PRKN: variants seen among roughly 807,000 people sequenced by gnomAD.
The protein encoded by PRKN is parkin RBR E3 ubiquitin protein ligase, also known as E3 ubiquitin-protein ligase parkin.
Under a neutral mutation model 59.5 loss-of-function variants are expected in PRKN, and 56 were observed. The observed-to-expected ratio is 0.94, with a 90% confidence interval of 0.76 to 1.18. The LOEUF (loss-of-function observed/expected upper bound fraction) is 1.18. PRKN is among the 50% of genes most tolerant of loss of function. The pLI, the probability that PRKN is intolerant of heterozygous loss-of-function variation, is 0.00. For missense variants in PRKN, 657 were observed against 596.4 expected (o/e 1.10, Z -1.06); for synonymous variants, 250 against 222.1 (o/e 1.13, Z -1.12).
chr6:162,493,758 A>G (rs1396629088), intron 1 of PRKN, among the ~76,000 whole-genome samples: 3 of 152,198 alleles, frequency 2.0e-5, no homozygotes, highest in African/African-American at 7.2e-5. Flanking sequence ...GCCCTGGTAC[A>G]CACAGAGCCT....
Position 161,683,134 on chromosome 6 carries a change from C to T in PRKN, c.871+102638G>A, listed in dbSNP as rs145821783. Among the ~76,000 whole-genome samples, 998 of 152,266 alleles carry T rather than the reference C, an allele frequency of 6.6e-3. 14 individuals carry two copies. The highest frequency in any genetic ancestry group is 0.023 in the African/African-American group (942 of 41,552). ...GCCCAAGCTGAGTGAAATCTGACAT[C>T]GTAGTAGAGCAGGTCCTTTGGGCCT... On this transcript the variant is annotated intron_variant, in intron 7 of 11. Transcript: ENST00000366898.
At chr6:161,642,067 G>A (rs1383428019) in intron 7 of PRKN, among the ~76,000 whole-genome samples, 1 of 152,150 alleles carries the variant, frequency 6.6e-6, no homozygotes, top group Non-Finnish European at 1.5e-5. Context: ...CCCCACTACT[G>A]TAGATTAAAT....
At chr6:162,007,702 T>C (rs1437663852) in intron 5 of PRKN, among the ~76,000 whole-genome samples, 4 of 151,898 alleles carry the variant, frequency 2.6e-5, no homozygotes, top group East Asian at 1.9e-4. Context: ...TGATATGATA[T>C]TGGAAGGAAA....
At chr6:162,022,741 G>A (rs955371933) in intron 5 of PRKN, among the ~76,000 whole-genome samples, 2 of 152,244 alleles carry the variant, frequency 1.3e-5, no homozygotes, top group Admixed American at 6.5e-5. Flanking sequence ...CTAGGTCAGT[G>A]TCCAGATGAG....
intron 6 of PRKN, among the ~76,000 whole-genome samples, chr6:161,917,992 T>C (rs1778637635): frequency 6.6e-6 from 1 of 152,152 alleles, no homozygotes; most frequent in African/African-American, 2.4e-5. Context: ...ATAATTTCAT[T>C]GGTGGGGAGG....
chr6:161,779,984 A>G (rs1370867308), intron 7 of PRKN, among the ~76,000 whole-genome samples: 3 of 152,202 alleles, frequency 2.0e-5, no homozygotes, highest in Non-Finnish European at 4.4e-5. Flanking sequence ...CACAAACACA[A>G]TATGTATATG....
In PRKN at chr6:161,567,987, G is replaced by T. The variant is rs1044104607; in HGVS notation, c.933+1368C>A. Among the ~76,000 whole-genome samples the T allele has an allele frequency of 3.3e-5, 5 of 152,164 alleles. No individual in the cohort carries two copies. The South Asian group carries it at 1.0e-3, about 31-fold the overall frequency. The stretch of plus-strand genomic sequence containing the variant: ...TTGTCAACTTTTACCTGCAATACGG[G>T]ATAACTGATTTCACTTGTATTTGAA... On this transcript the variant is annotated intron_variant, in intron 8 of 11. Coordinates refer to ENST00000366898, the MANE Select transcript of PRKN (RefSeq NM_004562.3).
At chr6:161,977,541 G>GTTTTTTTTTT (rs1562433349) in intron 5 of PRKN, among the ~76,000 whole-genome samples, 34 of 98,710 alleles carry the variant, frequency 3.4e-4, no homozygotes, top group African/African-American at 9.2e-4. Flanking sequence ...CTGTTTTTTT[G>GTTTTTTTTTT]GTTTTTTTTT....
At chr6:162,359,992 T>C (rs1785064430) in intron 2 of PRKN, among the ~76,000 whole-genome samples, 1 of 152,178 alleles carries the variant, frequency 6.6e-6, no homozygotes, top group Non-Finnish European at 1.5e-5. Flanking sequence ...TCTCGTCCCA[T>C]GTCATACAAT....
intron 7 of PRKN, among the ~76,000 whole-genome samples, chr6:161,636,573 G>A (rs1190167003): frequency 6.6e-6 from 1 of 152,138 alleles, no homozygotes; most frequent in Non-Finnish European, 1.5e-5. Flanking sequence ...TATTTGCAAC[G>A]AAAGAGCCAC....
intron 3 of PRKN, among the ~76,000 whole-genome samples, chr6:162,235,083 T>C (rs1213334764): frequency 6.6e-6 from 1 of 152,246 alleles, no homozygotes; most frequent in African/African-American, 2.4e-5. Context: ...ATTTTTCTTA[T>C]ACAAAGGAAA....
intron 6 of PRKN, among the ~76,000 whole-genome samples, chr6:161,890,443 G>T (rs544420444): frequency 1.3e-5 from 2 of 152,142 alleles, no homozygotes; most frequent in South Asian, 4.1e-4. Context: ...GTTCCACAAC[G>T]GAGACGAGAG....
chr6:161,932,497 T>A (rs1779201938), intron 6 of PRKN, among the ~76,000 whole-genome samples: 1 of 152,212 alleles, frequency 6.6e-6, no homozygotes, highest in Admixed American at 6.5e-5. Flanking sequence ...ATAAAAAGAA[T>A]ACTGAAACAT....
chr6:162,416,106 T>A (rs1788618837), intron 2 of PRKN, among the ~76,000 whole-genome samples: 1 of 152,164 alleles, frequency 6.6e-6, no homozygotes, highest in Non-Finnish European at 1.5e-5. Flanking sequence ...AATACCGGCC[T>A]GGCACTTGTG....
At position 161,819,715 on chromosome 6, in the gene PRKN, A is replaced by G. The variant is rs568392261; in HGVS notation, c.735-33807T>C. 1.5e-3 allele frequency among the ~76,000 whole-genome samples: 224 copies of G among 152,304 alleles called. 1 individual carries two copies. The highest frequency in any genetic ancestry group is 5.3e-3 in the African/African-American group (221 of 41,576). Reference sequence around the variant, plus strand: ...GCTATTAAAAACACATTTGGTTTACATTCAAAGGCTACCTTTCAGAGATTA... The same window carrying G: ...GCTATTAAAAACACATTTGGTTTACGTTCAAAGGCTACCTTTCAGAGATTA... On this transcript the variant is annotated intron_variant, in intron 6 of 11. Coordinates refer to ENST00000366898, the MANE Select transcript of PRKN (RefSeq NM_004562.3).
intron 7 of PRKN, among the ~76,000 whole-genome samples, chr6:161,758,346 G>A (rs956975162): frequency 3.9e-5 from 6 of 152,110 alleles, no homozygotes; most frequent in Non-Finnish European, 7.4e-5. Context: ...CAGTGGAAAG[G>A]ATAAGCAAAT....
chr6:161,973,557 A>G (rs1429801066), intron 5 of PRKN, 140 bp from the exon 6 acceptor site: 4 of 686,298 alleles, frequency 5.8e-6, no homozygotes, highest in African/African-American at 5.3e-5. Context: ...TCAGCATCAA[A>G]CCTTTCCCAG....
intron 4 of PRKN, among the ~76,000 whole-genome samples, chr6:162,197,723 A>T (rs1320327467): frequency 2.0e-5 from 3 of 152,228 alleles, no homozygotes; most frequent in African/African-American, 7.2e-5. Context: ...ATATAAGGAT[A>T]AGGAAGGAAA....
intron 5 of PRKN, among the ~76,000 whole-genome samples, chr6:162,033,601 A>G (rs990618085): frequency 3.3e-5 from 5 of 152,182 alleles, no homozygotes; most frequent in Non-Finnish European, 7.4e-5. Context: ...ATATCTCTTT[A>G]AAGAGGTAGA....
Sources: gnomAD v4.1 joint callset for allele counts (sites outside exome capture counted in the v4.1 genomes callset) on GRCh38, gnomAD v4.1.1 for gene constraint, MANE v1.5 for transcripts, NCBI Gene and HGNC (gene_info 2026-07-23, HGNC 2026-07-21) for gene names.